Variants in STRN observed in about 807,000 individuals in gnomAD.
The protein encoded by STRN is protein phosphatase 2 regulatory subunit B'''alpha.
In STRN, 53 loss-of-function variants were observed where a neutral mutation model predicts 96.3. The observed-to-expected ratio is 0.55, with a 90% CI of 0.44 to 0.69. The LOEUF (loss-of-function observed/expected upper bound fraction) is 0.69, where lower values mean the gene tolerates loss of function less well. STRN is among the 30% of genes least tolerant of loss of function. The pLI is 0.00. For missense variants in STRN, 987 were observed against 963.9 expected, an observed-to-expected ratio of 1.02 and a Z score of -0.32; for synonymous variants, 428 against 355.9, an observed-to-expected ratio of 1.20 and a Z score of -2.28.
At chr2:36,917,294 G>C (rs928314258) in intron 2 of STRN, among the ~76,000 whole-genome samples, 1 of 151,744 alleles carries the variant, frequency 6.6e-6, no homozygotes, top group Non-Finnish European at 1.5e-5. Context: ...GGCCAAGGTA[G>C]ATGGATCACC....
rs776712330 is a variant in STRN, at chr2:36,841,151, T to C, written c.*8305A>G. The C allele has an allele frequency of 1.3e-4, 20 of 149,986 alleles. No individual in the cohort carries two copies. Among genetic ancestry groups the C allele is most frequent in the Non-Finnish European group, 2.4e-4 (16 of 67,478 alleles). 9.3% of individuals were successfully genotyped at this position (149,986 alleles called of 1,614,324 possible). A position where few individuals can be genotyped will look rare whatever the true frequency, so the allele number is the denominator to read the frequency against. Reference sequence around the variant, plus strand: ...CTACGTATTCTACAGCAATGAGAAATAAGGAGCACATTCTTTTTTTTTTTT... The same window carrying C: ...CTACGTATTCTACAGCAATGAGAAACAAGGAGCACATTCTTTTTTTTTTTT... On this transcript the variant is annotated 3_prime_UTR_variant, in exon 18 of 18. Transcript: ENST00000263918.
At chr2:36,896,864 A>G (rs1189759915) in intron 6 of STRN, among the ~76,000 whole-genome samples, 1 of 152,176 alleles carries the variant, frequency 6.6e-6, no homozygotes, top group African/African-American at 2.4e-5. Context: ...GAATACTGAT[A>G]ATGATGGCAA....
intron 15 of STRN, among the ~76,000 whole-genome samples, chr2:36,852,055 T>C (rs2717509): frequency 0.86 from 130,545 of 152,144 alleles, 57,684 homozygotes; most frequent in Non-Finnish European, 0.96. Flanking sequence ...GAAAAAGTTG[T>C]GACTCCTCCA....
At chr2:36,954,944 A>C (rs2148273379) in intron 1 of STRN, among the ~76,000 whole-genome samples, 1 of 152,002 alleles carries the variant, frequency 6.6e-6, no homozygotes, top group East Asian at 1.9e-4. Flanking sequence ...CAGTCCAAGA[A>C]CTACACTGTT....
At chr2:36,933,059 TACACACACACAC>T (rs61245812) in intron 1 of STRN, among the ~76,000 whole-genome samples, 6 of 147,966 alleles carry the variant, frequency 4.1e-5, no homozygotes, top group East Asian at 4.0e-4. Context: ...TTTTTTAATT[TACACACACACAC>T]ACACACACAC....
chr2:36,857,947 C>T lies in STRN; in HGVS notation c.1746G>A (p.Gln582=), dbSNP rs972674978. The T allele has an allele frequency of 1.9e-6, 3 of 1,613,908 alleles. No homozygotes were observed. Among genetic ancestry groups the T allele is most frequent in the Non-Finnish European group, 1.7e-6 (2 of 1,179,892 alleles). ...CATCTGCTGAACAGGACAACAAACG[C>T]TGATGTGCTGCACTATAAGCCAAAC... The part of the protein sequence containing the change: ...VWGLAYSAAH[Q]RLLSCSADGT... Residue 582 remains glutamine (Q), a synonymous_variant, in exon 14 of 18, where the codon CAG becomes CAA. Coordinates refer to ENST00000263918, the MANE Select transcript of STRN (RefSeq NM_003162.4).
intron 12 of STRN, among the ~76,000 whole-genome samples, chr2:36,864,180 C>T (rs1668564000): frequency 2.0e-5 from 3 of 152,096 alleles, no homozygotes; most frequent in Admixed American, 6.5e-5. Flanking sequence ...CTAGGACTTC[C>T]AGTACTATAT....
chr2:36,852,508 G>C (rs1470720239), intron 15 of STRN, among the ~76,000 whole-genome samples: 1 of 152,132 alleles, frequency 6.6e-6, no homozygotes, highest in Non-Finnish European at 1.5e-5. Flanking sequence ...AGGGGAATAG[G>C]AGCATGACGT....
chr2:36,862,828 G>A (rs2691122), intron 12 of STRN, among the ~76,000 whole-genome samples: 132,288 of 151,616 alleles, frequency 0.87, 59,460 homozygotes, highest in Non-Finnish European at 0.98. Flanking sequence ...TCTGCCTCCC[G>A]GGTTCACGCC....
At chr2:36,893,155 A>G (rs1669444976) in intron 7 of STRN, among the ~76,000 whole-genome samples, 1 of 152,204 alleles carries the variant, frequency 6.6e-6, no homozygotes, top group Admixed American at 6.5e-5. Context: ...AACATAGCAG[A>G]TCCTGCTGCT....
intron 1 of STRN, among the ~76,000 whole-genome samples, chr2:36,925,983 TC>T (rs1037259598): frequency 2.0e-5 from 3 of 152,118 alleles, no homozygotes; most frequent in Admixed American, 1.3e-4. Flanking sequence ...ATTTTGGACC[TC>T]CCCTACAAAC....
At chr2:36,943,714 G>C (rs2148257140) in intron 1 of STRN, among the ~76,000 whole-genome samples, 1 of 152,166 alleles carries the variant, frequency 6.6e-6, no homozygotes, top group Admixed American at 6.5e-5. Flanking sequence ...TGAGGCAGGA[G>C]AATCACTTGA....
intron 9 of STRN, among the ~76,000 whole-genome samples, chr2:36,879,952 A>G (rs1669024008): frequency 6.6e-6 from 1 of 151,834 alleles, no homozygotes; most frequent in Non-Finnish European, 1.5e-5. Context: ...CGACAGGGCA[A>G]GACCCCTATA....
At position 36,925,087 on chromosome 2, in the gene STRN, T is replaced by C. The variant is rs773240199; in HGVS notation, c.338+18A>G. 6.3e-7 allele frequency: 1 copy of C among 1,594,168 alleles called. No individual in the cohort carries two copies. The highest frequency in any genetic ancestry group is 1.1e-5 in the South Asian group (1 of 90,374). ...AAATAAACAAAAAAGAACACCACTT[T>C]TCATTTTACTGAATTACCTTTCCTG... is the stretch of plus-strand genomic sequence containing the variant. On this transcript the variant is annotated intron_variant, in intron 2 of 17. Coordinates refer to ENST00000263918, the MANE Select transcript of STRN (RefSeq NM_003162.4).
At chr2:36,937,144 G>A (rs144625302) in intron 1 of STRN, among the ~76,000 whole-genome samples, 3,802 of 152,158 alleles carry the variant, frequency 0.025, 76 homozygotes, top group South Asian at 0.051. Flanking sequence ...GGGAGTTCGA[G>A]ATAAGCCTGA....
chr2:36,940,246 T>C (rs1486420698), intron 1 of STRN, among the ~76,000 whole-genome samples: 2 of 152,102 alleles, frequency 1.3e-5, no homozygotes, highest in Non-Finnish European at 2.9e-5. Flanking sequence ...AGAAGAAATA[T>C]AAGAGAAATA....
At chr2:36,925,324 C>CA (rs1670381375) in intron 1 of STRN, 116 bp from the exon 2 acceptor site, 1 of 669,304 alleles carries the variant, frequency 1.5e-6, no homozygotes, top group Admixed American at 2.9e-5. Context: ...TTCCTTTACA[C>CA]ATTTCTCACA....
intron 1 of STRN, among the ~76,000 whole-genome samples, chr2:36,935,809 C>A (rs1670687044): frequency 6.6e-6 from 1 of 152,086 alleles, no homozygotes. Context: ...AAAAAACAGG[C>A]AAGAACATAC....
intron 1 of STRN, among the ~76,000 whole-genome samples, chr2:36,959,426 A>G (rs1664975975): frequency 6.6e-6 from 1 of 152,200 alleles, no homozygotes; most frequent in African/African-American, 2.4e-5. Flanking sequence ...TGGCCCCTAG[A>G]CAAAAAATAT....
Sources: gnomAD v4.1 joint callset for allele counts (sites outside exome capture counted in the v4.1 genomes callset) on GRCh38, gnomAD v4.1.1 for gene constraint, MANE v1.5 for transcripts, NCBI Gene and HGNC (gene_info 2026-07-23, HGNC 2026-07-21) for gene names.